The following EEPD1 variants were observed in gnomAD, a reference collection of about 807,000 sequenced individuals.
The protein encoded by EEPD1 is endonuclease/exonuclease/phosphatase family domain-containing protein 1.
Under a neutral mutation model 46.3 loss-of-function variants are expected in EEPD1, and 17 were observed. That is an observed-to-expected ratio of 0.37 (90% CI 0.25 to 0.55). EEPD1 has a LOEUF of 0.55. Ranked by LOEUF, EEPD1 falls within the 20% of genes least tolerant of loss-of-function variation. The pLI is 0.83. For missense variants in EEPD1, 673 were observed against 745.6 expected, an observed-to-expected ratio of 0.90 and a Z score of 1.13; for synonymous variants, 313 against 315.6, an observed-to-expected ratio of 0.99 and a Z score of 0.09.
intron 6 of EEPD1, among the ~76,000 whole-genome samples, chr7:36,288,897 T>A (rs1440843876): frequency 6.6e-6 from 1 of 152,256 alleles, no homozygotes; most frequent in African/African-American, 2.4e-5. Flanking sequence ...CTTATCCATC[T>A]GGCTTGATTT....
chr7:36,206,427 A>G (rs1490733818), intron 2 of EEPD1, among the ~76,000 whole-genome samples: 1 of 152,196 alleles, frequency 6.6e-6, no homozygotes, highest in East Asian at 1.9e-4. Flanking sequence ...AATGTTTTAC[A>G]TTCTTTTTGT....
At chr7:36,213,386 G>C (rs1414851619) in intron 2 of EEPD1, among the ~76,000 whole-genome samples, 3 of 152,126 alleles carry the variant, frequency 2.0e-5, no homozygotes, top group African/African-American at 7.2e-5. Flanking sequence ...AATTTGCTTG[G>C]AAAGTCTCAT....
intron 2 of EEPD1, among the ~76,000 whole-genome samples, chr7:36,200,681 T>C (rs988939466): frequency 1.3e-5 from 2 of 152,196 alleles, no homozygotes; most frequent in Non-Finnish European, 1.5e-5. Context: ...GGTTTCTGCT[T>C]TTTTATTCTG....
At chr7:36,237,062 C>G (rs10258284) in intron 2 of EEPD1, among the ~76,000 whole-genome samples, 17,313 of 152,196 alleles carry the variant, frequency 0.11, 1,028 homozygotes, top group East Asian at 0.21. Context: ...TTTCTGAAGT[C>G]AGGGAGACCA....
Position 36,203,230 on chromosome 7 carries a change from G to A in EEPD1, c.879-35755G>A, listed in dbSNP as rs536534915. 1.1e-4 allele frequency among the ~76,000 whole-genome samples: 17 copies of A among 152,304 alleles called. No homozygotes were observed. In the East Asian group the frequency reaches 3.3e-3, roughly 29 times the overall value. On this transcript the variant is annotated intron_variant, in intron 2 of 7. Transcript: ENST00000242108. ...TGTGCAGGAGGCACACAGTAACTTT[G>A]AAGTGTGGGATTTCGCCTGGGTTCA... is the stretch of plus-strand genomic sequence containing the variant.
chr7:36,298,073 G>A (rs1182642540), intron 7 of EEPD1, among the ~76,000 whole-genome samples: 1 of 152,168 alleles, frequency 6.6e-6, no homozygotes, highest in Non-Finnish European at 1.5e-5. Context: ...CTCTCTTGGG[G>A]CACTAGTTTC....
chr7:36,255,409 G>A (rs943024991), intron 3 of EEPD1, among the ~76,000 whole-genome samples: 1 of 152,150 alleles, frequency 6.6e-6, no homozygotes, highest in South Asian at 2.1e-4. Context: ...TTTCTCCATT[G>A]GTTGTTTTTG....
intron 3 of EEPD1, among the ~76,000 whole-genome samples, chr7:36,246,347 A>G (rs1786640546): frequency 1.3e-5 from 2 of 152,334 alleles, no homozygotes; most frequent in South Asian, 4.1e-4. Context: ...GAGGCCAGGT[A>G]CTGGCTAGCC....
chr7:36,182,896 T>C (rs1785299654), intron 2 of EEPD1, among the ~76,000 whole-genome samples: 2 of 152,248 alleles, frequency 1.3e-5, no homozygotes, highest in South Asian at 4.1e-4. Flanking sequence ...TCAGGCTCTT[T>C]AGGGTATCTG....
intron 2 of EEPD1, among the ~76,000 whole-genome samples, chr7:36,190,654 T>C (rs1785445792): frequency 6.6e-6 from 1 of 152,224 alleles, no homozygotes. Context: ...GCAGCTTCCT[T>C]TGTTCCAATG....
chr7:36,284,682 G>T lies in EEPD1; in HGVS notation c.1042-4G>T. On this transcript the variant is annotated splice_region_variant and splice_polypyrimidine_tract_variant and intron_variant, in intron 4 of 7. Coordinates refer to ENST00000242108, the MANE Select transcript of EEPD1 (RefSeq NM_030636.3). ...CCAAGACTCTGTCTCCCTCTCCGCT[G>T]CAGGGAGCTGGGTATGCAGGATTCC... 3 of 1,611,052 alleles carry T rather than the reference G, an allele frequency of 1.9e-6. No individual in the cohort carries two copies. Among genetic ancestry groups the T allele is most frequent in the Non-Finnish European group, 1.7e-6 (2 of 1,178,640 alleles).
intron 3 of EEPD1, among the ~76,000 whole-genome samples, chr7:36,278,774 T>G (rs1397167140): frequency 6.6e-6 from 1 of 152,228 alleles, no homozygotes; most frequent in Non-Finnish European, 1.5e-5. Flanking sequence ...TGGCTGCATC[T>G]TCCAAAGTGT....
intron 3 of EEPD1, among the ~76,000 whole-genome samples, chr7:36,265,782 A>G (rs1185699210): frequency 6.6e-6 from 1 of 152,188 alleles, no homozygotes; most frequent in Non-Finnish European, 1.5e-5. Context: ...GAAAACATCA[A>G]AGAGGAAGAA....
chr7:36,197,138 A>G (rs1264256416), intron 2 of EEPD1, among the ~76,000 whole-genome samples: 2 of 135,658 alleles, frequency 1.5e-5, no homozygotes, highest in Non-Finnish European at 3.2e-5. Context: ...CCGCCTGGCA[A>G]CCGCCCCGTC....
intron 2 of EEPD1, among the ~76,000 whole-genome samples, chr7:36,192,023 GT>G (rs1033006493): frequency 2.6e-5 from 4 of 152,172 alleles, no homozygotes; most frequent in African/African-American, 9.7e-5. Flanking sequence ...CTCTTTCCGC[GT>G]TGTCGAAACC....
At chr7:36,187,755 CTTATTAG>C (rs1279188406) in intron 2 of EEPD1, among the ~76,000 whole-genome samples, 1 of 152,160 alleles carries the variant, frequency 6.6e-6, no homozygotes, top group Non-Finnish European at 1.5e-5. Context: ...CGTTTCTTTA[CTTATTAG>C]TAATTTAACC....
rs1341203087 is a variant in EEPD1, at chr7:36,219,806, A to AGAGTGTGT, written c.879-19178_879-19177insAGTGTGTG. Among the ~76,000 whole-genome samples the AGAGTGTGT allele has an allele frequency of 1.5e-3, 113 of 75,440 alleles. 1 individual carries two copies. Among genetic ancestry groups the AGAGTGTGT allele is most frequent in the African/African-American group, 2.3e-3 (51 of 21,948 alleles). 49.5% of individuals were successfully genotyped at this position (75,440 alleles called of 152,430 possible). A position where few individuals can be genotyped will look rare whatever the true frequency, so the allele number is the denominator to read the frequency against. On this transcript the variant is annotated intron_variant, in intron 2 of 7. Coordinates refer to ENST00000242108, the MANE Select transcript of EEPD1 (RefSeq NM_030636.3). ...GAGAGAGAGAGAGAGAGAGAGAGAG[A>AGAGTGTGT]GTGTGTGTGTGTGTGTGTGTGTGTG...
intron 2 of EEPD1, among the ~76,000 whole-genome samples, chr7:36,197,240 TGGGGGGG>T (rs1785617750): frequency 7.4e-6 from 1 of 134,320 alleles, no homozygotes; most frequent in African/African-American, 3.0e-5. Context: ...GGGAGGGAGG[TGGGGGGG>T]TCAGGCCCCC....
intron 7 of EEPD1, among the ~76,000 whole-genome samples, chr7:36,298,287 T>G (rs114639109): frequency 6.6e-6 from 1 of 152,166 alleles, no homozygotes; most frequent in African/African-American, 2.4e-5. Context: ...TGGAAGGAAG[T>G]TGGAAATCCT....
Sources: gnomAD v4.1 joint callset for allele counts (sites outside exome capture counted in the v4.1 genomes callset) on GRCh38, gnomAD v4.1.1 for gene constraint, MANE v1.5 for transcripts, NCBI Gene and HGNC (gene_info 2026-07-23, HGNC 2026-07-21) for gene names.